Variants in EFL1 observed in about 807,000 individuals in gnomAD.
EFL1 encodes the protein elongation factor like GTPase 1, also known as elongation factor-like GTPase 1.
In EFL1, 76 loss-of-function variants were observed where a neutral mutation model predicts 126.7. The ratio of observed to expected loss-of-function variants is 0.60; its 90% CI spans 0.50 to 0.73. The LOEUF (loss-of-function observed/expected upper bound fraction) is 0.73. Among genes scored for constraint, EFL1 ranks in the 30% least tolerant of loss-of-function variants. EFL1 has a pLI of 0.00. For missense variants in EFL1, 1,128 were observed against 1,343.2 expected, an observed-to-expected ratio of 0.84 and a Z score of 2.50; for synonymous variants, 410 against 448.4, an observed-to-expected ratio of 0.91 and a Z score of 1.08.
chr15:82,259,572 A>G (rs372523605), intron 2 of EFL1, among the ~76,000 whole-genome samples: 7 of 152,344 alleles, frequency 4.6e-5, no homozygotes, highest in African/African-American at 1.7e-4. Flanking sequence ...GGGCATAAAC[A>G]TACTGTAACA....
At chr15:82,174,264 T>C (rs1416171555) in intron 15 of EFL1, 2 of 151,982 alleles carry the variant, frequency 1.3e-5, no homozygotes, top group Non-Finnish European at 2.9e-5. Flanking sequence ...CCACAAAGTA[T>C]GCAGTAGAGC....
intron 14 of EFL1, among the ~76,000 whole-genome samples, chr15:82,219,400 T>G (rs980971570): frequency 1.9e-4 from 29 of 152,218 alleles, no homozygotes; most frequent in African/African-American, 6.8e-4. Flanking sequence ...GACTCTTGCC[T>G]AGAAGAGAAA....
intron 3 of EFL1, among the ~76,000 whole-genome samples, chr15:82,254,242 CAA>C (rs1224232710): frequency 4.6e-5 from 7 of 152,138 alleles, no homozygotes; most frequent in Admixed American, 4.6e-4. Context: ...GAAATTCTTC[CAA>C]GAGTCTGAAA....
chr15:82,191,989 C>T (rs1210331963), intron 15 of EFL1, among the ~76,000 whole-genome samples: 1 of 152,056 alleles, frequency 6.6e-6, no homozygotes, highest in Non-Finnish European at 1.5e-5. Flanking sequence ...GCTATTATAT[C>T]TCGTCTATCA....
chr15:82,215,791 G>C (rs1295664628), intron 14 of EFL1: 1 of 152,096 alleles, frequency 6.6e-6, no homozygotes, highest in African/African-American at 2.4e-5. Context: ...AGGAAGGAGA[G>C]GCCCCTGTGC....
chr15:82,146,360 CAGA>C (rs1250747459), intron 18 of EFL1, among the ~76,000 whole-genome samples: 2 of 152,164 alleles, frequency 1.3e-5, no homozygotes, highest in African/African-American at 4.8e-5. Flanking sequence ...GAAGTCTTCT[CAGA>C]AGATCTCTAA....
intron 15 of EFL1, among the ~76,000 whole-genome samples, chr15:82,181,069 T>C (rs1436346912): frequency 1.3e-5 from 2 of 152,108 alleles, no homozygotes; most frequent in Admixed American, 6.6e-5. Context: ...GAATATCAGC[T>C]AGATTCTTAA....
At chr15:82,209,304 C>CACACAGACACAG (rs71156030) in intron 15 of EFL1, among the ~76,000 whole-genome samples, 1 of 130,288 alleles carries the variant, frequency 7.7e-6, no homozygotes, top group Non-Finnish European at 1.6e-5. Flanking sequence ...TAAGGATTCA[C>CACACAGACACAG]ACACAGACAC....
chr15:82,137,777 A>C (rs2073737659), intron 19 of EFL1, among the ~76,000 whole-genome samples: 1 of 152,036 alleles, frequency 6.6e-6, no homozygotes, highest in African/African-American at 2.4e-5. Flanking sequence ...TTGATTCCTG[A>C]CCTTAGGCTT....
chr15:82,252,655 C>T (rs370592754), intron 4 of EFL1, 36 bp downstream of exon 4: 229 of 1,521,516 alleles, frequency 1.5e-4, no homozygotes, highest in Non-Finnish European at 1.9e-4. Context: ...ATGAAAGATG[C>T]AAAGCTGTGT....
chr15:82,249,236 G>A (rs2074999840), intron 4 of EFL1, among the ~76,000 whole-genome samples: 1 of 151,776 alleles, frequency 6.6e-6, no homozygotes, highest in Non-Finnish European at 1.5e-5. Context: ...CCACGAGGTT[G>A]AGACCAGTCT....
chr15:82,253,281 C>A (rs2075039920), intron 3 of EFL1, among the ~76,000 whole-genome samples: 1 of 151,958 alleles, frequency 6.6e-6, no homozygotes, highest in Non-Finnish European at 1.5e-5. Flanking sequence ...CTGAGGTGAT[C>A]CACCCACCTC....
At chr15:82,188,756 T>G (rs989051948) in intron 15 of EFL1, among the ~76,000 whole-genome samples, 3 of 152,174 alleles carry the variant, frequency 2.0e-5, no homozygotes, top group African/African-American at 7.2e-5. Flanking sequence ...CCTGTTCACA[T>G]TAATAGTTTT....
chr15:82,227,847 A>G (rs1312238964), intron 10 of EFL1, among the ~76,000 whole-genome samples: 1 of 152,248 alleles, frequency 6.6e-6, no homozygotes, highest in Non-Finnish European at 1.5e-5. Flanking sequence ...CAGGTTGGCT[A>G]CAGGTGACCT....
chr15:82,132,077 G>A lies in EFL1; in HGVS notation c.3175-1516C>T, dbSNP rs562218973. On this transcript the variant is annotated intron_variant, in intron 19 of 19. Coordinates refer to ENST00000268206, the MANE Select transcript of EFL1 (RefSeq NM_024580.6). ...ATAAAATAATCCACCCCTTGTGACA[G>A]TGTTGAAATGCTGGAAATCTGTGGG... Among the ~76,000 whole-genome samples, 6 of 152,350 alleles carry A rather than the reference G, an allele frequency of 3.9e-5. No homozygotes were observed. In the South Asian group the frequency reaches 1.2e-3, roughly 32 times the overall value.
At chr15:82,207,884 G>T (rs2074543010) in intron 15 of EFL1, among the ~76,000 whole-genome samples, 1 of 152,032 alleles carries the variant, frequency 6.6e-6, no homozygotes, top group Admixed American at 6.6e-5. Flanking sequence ...CACACACCCA[G>T]CTAATTTTCT....
At chr15:82,143,834 G>A (rs1314433100) in intron 18 of EFL1, among the ~76,000 whole-genome samples, 2 of 152,172 alleles carry the variant, frequency 1.3e-5, no homozygotes, top group Non-Finnish European at 2.9e-5. Context: ...AACAAACACT[G>A]TGACACAGTC....
chr15:82,131,491 A>G lies in EFL1; in HGVS notation c.3175-930T>C, dbSNP rs373296056. ...TTTTTTTTCTGGAGGTGGTGGGTGC[A>G]TGACATTGTGAATGGGAAAAATGCA... On this transcript the variant is annotated intron_variant, in intron 19 of 19. Transcript: ENST00000268206. 3.8e-4 allele frequency among the ~76,000 whole-genome samples: 58 copies of G among 152,272 alleles called. 2 individuals are homozygous for G. In the East Asian group the frequency reaches 5.8e-3, roughly 15 times the overall value.
intron 15 of EFL1, among the ~76,000 whole-genome samples, chr15:82,186,296 G>C (rs1009505348): frequency 8.5e-5 from 13 of 152,102 alleles, no homozygotes; most frequent in African/African-American, 3.1e-4. Context: ...TCTATAATAT[G>C]CAAGGGGTAA....
Sources: allele counts gnomAD v4.1 joint callset (sites outside exome capture counted in the v4.1 genomes callset), GRCh38; gene constraint gnomAD v4.1.1; transcripts MANE v1.5; gene names NCBI Gene and HGNC (gene_info 2026-07-23, HGNC 2026-07-21).